DOCK7: variants seen among roughly 807,000 people sequenced by gnomAD.
The protein encoded by DOCK7 is dedicator of cytokinesis 7, also known as dedicator of cytokinesis protein 7.
Under a neutral mutation model 271.0 loss-of-function variants are expected in DOCK7, and 138 were observed. The ratio of observed to expected loss-of-function variants is 0.51; its 90% CI spans 0.44 to 0.59. DOCK7 has a LOEUF of 0.59. Among genes scored for constraint, DOCK7 ranks in the 20% least tolerant of loss-of-function variants. The probability of loss-of-function intolerance (pLI) is 0.00; values close to 1 mark genes in which losing one functional copy is unlikely to be tolerated. For synonymous variants in DOCK7, 823 were observed against 876.1 expected (o/e 0.94, Z 1.07); for missense variants, 2,066 against 2,592.4 (o/e 0.80, Z 4.41).
intron 43 of DOCK7, chr1:62,485,231 A>G: frequency 1.0e-6 from 1 of 985,450 alleles, no homozygotes; most frequent in Non-Finnish European, 1.2e-6. Context: ...CAGCCATTAA[A>G]GAACTGAAAC....
intron 6 of DOCK7, 121 bp downstream of exon 6, chr1:62,647,985 A>G: frequency 1.1e-6 from 1 of 933,772 alleles, no homozygotes; most frequent in Non-Finnish European, 1.6e-6. Flanking sequence ...GTATTCATTT[A>G]TAAAAATTAC....
intron 43 of DOCK7, chr1:62,482,282 G>C (rs1185006050): frequency 6.6e-6 from 1 of 151,628 alleles, no homozygotes; most frequent in African/African-American, 2.4e-5. Context: ...CCAAGGTCAC[G>C]CTGTTAGTAA....
At chr1:62,528,118 G>GA (rs764137504) in intron 31 of DOCK7, 33 bp downstream of exon 31, 308 of 1,563,472 alleles carry the variant, frequency 2.0e-4, no homozygotes, top group South Asian at 5.9e-4. Context: ...TGTCTTTCTA[G>GA]AAAAAAAAAT....
At position 62,617,519 on chromosome 1, in the gene DOCK7, C is replaced by A. The variant is rs374884924; in HGVS notation, c.1682+1187G>T. ...GACTGTCTAATATGGTAGCCTTTAG[C>A]CCCAGGTGGTTATTAAGCACTTGAA... On this transcript the variant is annotated intron_variant, in intron 14 of 49. Coordinates refer to ENST00000635253, the MANE Select transcript of DOCK7 (RefSeq NM_001367561.1). Among the ~76,000 whole-genome samples the A allele has an allele frequency of 5.3e-4, 81 of 151,946 alleles. 1 individual carries two copies. In the East Asian group the frequency reaches 0.013, roughly 25 times the overall value.
rs1656900492 is a variant in DOCK7 at position 62,648,139 on chromosome 1, T to C, written c.699A>G (p.Lys233=). Residue 233 remains lysine (K), a synonymous_variant, in exon 6 of 50, where the codon AAA becomes AAG. Coordinates refer to ENST00000635253, the MANE Select transcript of DOCK7 (RefSeq NM_001367561.1). ...GTGATGGATGCAAAGCAAAAAGTTC[T>C]TTGTGACGGTTTGATTTCCTTTGGT... The part of the protein sequence containing the change: ...NDDQRKSNRH[K]ELFALHPSPD... 1.2e-6 allele frequency: 2 copies of C among 1,613,512 alleles called. No homozygotes were observed. Among genetic ancestry groups the C allele is most frequent in the East Asian group, 4.5e-5 (2 of 44,804 alleles).
At chr1:62,685,095 T>C (rs762932022) in intron 1 of DOCK7, among the ~76,000 whole-genome samples, 2 of 152,212 alleles carry the variant, frequency 1.3e-5, no homozygotes, top group African/African-American at 2.4e-5. Context: ...TTATAAATAC[T>C]GTAGTAAAAA....
chr1:62,462,906 A>C (rs1645570763), intron 48 of DOCK7, among the ~76,000 whole-genome samples: 1 of 142,172 alleles, frequency 7.0e-6, no homozygotes, highest in Non-Finnish European at 1.5e-5. Flanking sequence ...TTTTTAAAGT[A>C]GAAAAAGCTT....
chr1:62,529,483 T>G, intron 29 of DOCK7, 37 bp from the exon 30 acceptor site: 1 of 1,534,890 alleles, frequency 6.5e-7, no homozygotes. Flanking sequence ...GAAAAAGCAG[T>G]AAGGCCACAG....
At chr1:62,653,887 AATG>A in intron 3 of DOCK7, 94 bp from the exon 4 acceptor site, 1 of 1,498,674 alleles carries the variant, frequency 6.7e-7, no homozygotes, top group Non-Finnish European at 9.2e-7. Context: ...CGTAACAGGA[AATG>A]ATGATGCTAT....
intron 31 of DOCK7, among the ~76,000 whole-genome samples, chr1:62,517,292 A>G (rs918720714): frequency 1.3e-5 from 2 of 152,100 alleles, no homozygotes; most frequent in Non-Finnish European, 2.9e-5. Context: ...CAAAAACAAA[A>G]CAAACAAACA....
intron 14 of DOCK7, among the ~76,000 whole-genome samples, chr1:62,617,698 CAT>C (rs986766709): frequency 6.6e-6 from 1 of 151,680 alleles, no homozygotes; most frequent in Non-Finnish European, 1.5e-5. Flanking sequence ...GTTTCAATGA[CAT>C]ATATGATTAA....
chr1:62,604,135 T>C lies in DOCK7; in HGVS notation c.1682+14571A>G, dbSNP rs757959826. On this transcript the variant is annotated intron_variant, in intron 14 of 49. Coordinates refer to ENST00000635253, the MANE Select transcript of DOCK7 (RefSeq NM_001367561.1). ...ATACGCTACATCTAGTTGCGATTACTGGCAATGTCCCCAATGCAATCCCGG... is the reference window on the plus strand; with the variant it reads ...ATACGCTACATCTAGTTGCGATTACCGGCAATGTCCCCAATGCAATCCCGG... 4.5e-5 allele frequency: 72 copies of C among 1,613,496 alleles called. No individual in the cohort carries two copies. Among genetic ancestry groups the C allele is most frequent in the Non-Finnish European group, 6.0e-5 (71 of 1,179,530 alleles).
chr1:62,603,892 T>C, intron 14 of DOCK7: 2 of 1,429,184 alleles, frequency 1.4e-6, no homozygotes, highest in Non-Finnish European at 2.0e-6. Flanking sequence ...GTTGCACCAA[T>C]AAAAAACACT....
intron 7 of DOCK7, among the ~76,000 whole-genome samples, chr1:62,640,229 G>A (rs913666217): frequency 2.0e-5 from 3 of 152,074 alleles, no homozygotes; most frequent in Non-Finnish European, 4.4e-5. Context: ...AATTAAGTGT[G>A]TGGGCTGGGC....
chr1:62,514,662 G>A (rs1053433074), intron 31 of DOCK7, among the ~76,000 whole-genome samples: 19 of 152,060 alleles, frequency 1.2e-4, no homozygotes, highest in Non-Finnish European at 1.8e-4. Context: ...TAATAATAAT[G>A]ATGATGGCAA....
In DOCK7 at chr1:62,513,618, A is replaced by G; in HGVS notation, c.4120-12T>C. ...AACACTTTTTTCCCCTAAAATGTAAACATTAGAAGAGAAGAGGTATTGAGG... is the reference window on the plus strand; with the variant it reads ...AACACTTTTTTCCCCTAAAATGTAAGCATTAGAAGAGAAGAGGTATTGAGG... On this transcript the variant is annotated splice_polypyrimidine_tract_variant and intron_variant, in intron 32 of 49. Coordinates refer to ENST00000635253, the MANE Select transcript of DOCK7 (RefSeq NM_001367561.1). 1 of 1,607,446 alleles carries G rather than the reference A, an allele frequency of 6.2e-7. No homozygotes were observed. Among genetic ancestry groups the G allele is most frequent in the Non-Finnish European group, 8.5e-7 (1 of 1,178,146 alleles).
At chr1:62,573,718 C>T (rs774793754) in intron 18 of DOCK7, among the ~76,000 whole-genome samples, 1 of 152,040 alleles carries the variant, frequency 6.6e-6, no homozygotes, top group African/African-American at 2.4e-5. Flanking sequence ...CAGAAATGTA[C>T]ACTTAAAATT....
chr1:62,524,267 T>C (rs1366686187), intron 31 of DOCK7, among the ~76,000 whole-genome samples: 1 of 152,222 alleles, frequency 6.6e-6, no homozygotes, highest in Non-Finnish European at 1.5e-5. Flanking sequence ...ATATTGTATG[T>C]GTTAAGTATA....
intron 1 of DOCK7, 138 bp from the exon 2 acceptor site, chr1:62,663,268 T>A: frequency 4.6e-6 from 3 of 658,316 alleles, no homozygotes; most frequent in African/African-American, 1.8e-5. Context: ...AGGCTAGAAA[T>A]TCGTAAAATA....
Sources: gnomAD v4.1 joint callset for allele counts (sites outside exome capture counted in the v4.1 genomes callset) on GRCh38, gnomAD v4.1.1 for gene constraint, MANE v1.5 for transcripts, NCBI Gene and HGNC (gene_info 2026-07-23, HGNC 2026-07-21) for gene names.